MALRD1: variants seen among roughly 807,000 people sequenced by gnomAD.
MALRD1 encodes the protein MAM and LDL-receptor class A domain-containing protein 1.
In MALRD1, 247 loss-of-function variants were observed where a neutral mutation model predicts 242.1. The ratio of observed to expected loss-of-function variants is 1.02; its 90% confidence interval spans 0.92 to 1.13. MALRD1 has a LOEUF of 1.13. MALRD1 is among the 50% of genes most tolerant of loss of function. The probability of loss-of-function intolerance (pLI) is 0.00; values close to 1 mark genes in which losing one functional copy is unlikely to be tolerated. For missense variants in MALRD1, 2,989 were observed against 2,533.1 expected (o/e 1.18, Z -3.86); for synonymous variants, 995 against 866.6 (o/e 1.15, Z -2.60).
At chr10:19,414,771 C>T (rs1451331533) in intron 28 of MALRD1, among the ~76,000 whole-genome samples, 1 of 152,058 alleles carries the variant, frequency 6.6e-6, no homozygotes, top group Admixed American at 6.5e-5. Context: ...AAGAACTCTA[C>T]AGGCTAGAAA....
At chr10:19,642,345 T>C (rs1299282425) in intron 36 of MALRD1, among the ~76,000 whole-genome samples, 21 of 152,134 alleles carry the variant, frequency 1.4e-4, no homozygotes. Flanking sequence ...TACTCATGCT[T>C]TTGAAACCCA....
rs138400932 is a variant in MALRD1 at position 19,690,509 on chromosome 10, C to T, written c.6138-1773C>T. On this transcript the variant is annotated intron_variant, in intron 36 of 39. Transcript: ENST00000454679. Reference sequence around the variant, plus strand: ...ATATCCTGGGCCTCTAAATGGGTGACGAGGTTTATTTCTCACCAAATCTTT... The same window carrying T: ...ATATCCTGGGCCTCTAAATGGGTGATGAGGTTTATTTCTCACCAAATCTTT... 1.9e-4 allele frequency among the ~76,000 whole-genome samples: 29 copies of T among 152,038 alleles called. No individual in the cohort carries two copies. In the South Asian group the frequency reaches 2.9e-3, roughly 15 times the overall value.
At chr10:19,669,745 C>A in intron 36 of MALRD1, among the ~76,000 whole-genome samples, 1 of 151,974 alleles carries the variant, frequency 6.6e-6, no homozygotes, top group East Asian at 1.9e-4. Context: ...CAGAAGTAAA[C>A]CATACTATTT....
rs1305357622 is a variant in MALRD1 at position 19,450,678 on chromosome 10, T to G, written c.5029+188T>G. On this transcript the variant is annotated intron_variant, in intron 29 of 39. Coordinates refer to ENST00000454679, the MANE Select transcript of MALRD1 (RefSeq NM_001142308.3). ...GAGATAATACCTATCTTAGTCTGTTTGGGCTGCTGTTACAAAATGCCATAA... is the reference window on the plus strand; with the variant it reads ...GAGATAATACCTATCTTAGTCTGTTGGGGCTGCTGTTACAAAATGCCATAA... Among the ~76,000 whole-genome samples, 6 of 152,324 alleles carry G rather than the reference T, an allele frequency of 3.9e-5. 1 individual carries two copies. In the East Asian group the frequency reaches 9.7e-4, roughly 25 times the overall value.
chr10:19,286,181 C>A (rs1841102397), intron 21 of MALRD1, among the ~76,000 whole-genome samples: 3 of 146,380 alleles, frequency 2.0e-5, no homozygotes, highest in Admixed American at 7.0e-5. Context: ...TCTAGATAAA[C>A]AATCATGTCA....
chr10:19,621,632 A>C (rs990605317), intron 36 of MALRD1, among the ~76,000 whole-genome samples: 3 of 151,686 alleles, frequency 2.0e-5, no homozygotes, highest in African/African-American at 7.2e-5. Flanking sequence ...TAAAGAGGAA[A>C]ATGAAATAGT....
chr10:19,429,222 T>C (rs1326871940), intron 28 of MALRD1, among the ~76,000 whole-genome samples: 1 of 152,222 alleles, frequency 6.6e-6, no homozygotes, highest in Non-Finnish European at 1.5e-5. Flanking sequence ...GAGTGACTTG[T>C]CCAAAGTCAC....
chr10:19,514,768 A>G (rs1169382670), intron 31 of MALRD1, among the ~76,000 whole-genome samples: 1 of 152,140 alleles, frequency 6.6e-6, no homozygotes, highest in Non-Finnish European at 1.5e-5. Flanking sequence ...AAAACACAGA[A>G]TATTTGTTTC....
intron 31 of MALRD1, among the ~76,000 whole-genome samples, chr10:19,526,861 G>A (rs532007139): frequency 5.8e-4 from 89 of 152,156 alleles, no homozygotes; most frequent in Admixed American, 3.3e-3. Context: ...TTCTTTCTAC[G>A]AAGTCATATC....
intron 27 of MALRD1, 130 bp downstream of exon 27, chr10:19,387,903 A>G: frequency 8.4e-7 from 1 of 1,195,878 alleles, no homozygotes; most frequent in African/African-American, 1.5e-5. Context: ...TCAAACATTT[A>G]GTGAGTGTTT....
At chr10:19,229,772 G>C (rs1582059) in intron 18 of MALRD1, among the ~76,000 whole-genome samples, 64,875 of 151,868 alleles carry the variant, frequency 0.43, 14,410 homozygotes, top group Admixed American at 0.58. Flanking sequence ...ATCTCTAGAT[G>C]TAACCTCTAT....
chr10:19,675,771 T>C (rs924739816), intron 36 of MALRD1, among the ~76,000 whole-genome samples: 1 of 152,220 alleles, frequency 6.6e-6, no homozygotes, highest in Non-Finnish European at 1.5e-5. Context: ...CTTGTGCTAA[T>C]TGCAGTGTAC....
intron 29 of MALRD1, among the ~76,000 whole-genome samples, chr10:19,483,048 A>G (rs776601602): frequency 4.6e-5 from 7 of 152,136 alleles, no homozygotes; most frequent in Non-Finnish European, 1.0e-4. Flanking sequence ...AAACTGTATT[A>G]TAAGGCTACA....
chr10:19,048,203 A>G (rs187283164), upstream of MALRD1, among the ~76,000 whole-genome samples: 7 of 152,310 alleles, frequency 4.6e-5, no homozygotes, highest in East Asian at 1.4e-3. Flanking sequence ...CTAATTTCTT[A>G]TACCAACTTA....
At chr10:19,242,324 G>C (rs1838828058) in intron 18 of MALRD1, among the ~76,000 whole-genome samples, 1 of 152,092 alleles carries the variant, frequency 6.6e-6, no homozygotes. Context: ...ATCTCCCACT[G>C]GTTCCCTCCC....
chr10:19,725,838 A>G (rs550028829), intron 38 of MALRD1, among the ~76,000 whole-genome samples: 16 of 152,298 alleles, frequency 1.1e-4, no homozygotes, highest in South Asian at 1.0e-3. Context: ...AGTCCATCCA[A>G]TGGGGATCAA....
At position 19,373,203 on chromosome 10, in the gene MALRD1, C is replaced by CAAAAAAAAAAAAAA. The variant is rs374095193; in HGVS notation, c.4442-14321_4442-14308dup. 3.0e-3 allele frequency among the ~76,000 whole-genome samples: 339 copies of CAAAAAAAAAAAAAA among 114,696 alleles called. 2 individuals carry two copies. The highest frequency in any genetic ancestry group is 5.1e-3 in the East Asian group (20 of 3,914). The allele number at this position is 114,696 out of a possible 152,430, so 75.2% of individuals were successfully genotyped here. On this transcript the variant is annotated intron_variant, in intron 26 of 39. Coordinates refer to ENST00000454679, the MANE Select transcript of MALRD1 (RefSeq NM_001142308.3). The stretch of plus-strand genomic sequence containing the variant: ...CTTGCATTTCAGCAAACGCTAAATA[C>CAAAAAAAAAAAAAA]AAAAAAAAAAAAAAAAATAAGGGGC...
At chr10:19,719,189 T>TAC (rs1163960564) in intron 38 of MALRD1, among the ~76,000 whole-genome samples, 20 of 36,658 alleles carry the variant, frequency 5.5e-4, no homozygotes, top group African/African-American at 1.1e-3. Context: ...TATATATATA[T>TAC]ACATACATAT....
At chr10:19,429,361 G>A (rs1834029859) in intron 28 of MALRD1, among the ~76,000 whole-genome samples, 1 of 152,052 alleles carries the variant, frequency 6.6e-6, no homozygotes, top group Admixed American at 6.6e-5. Flanking sequence ...CCTGAGGTCA[G>A]GAGTTTAAGA....
Sources: allele counts gnomAD v4.1 joint callset (sites outside exome capture counted in the v4.1 genomes callset), GRCh38; gene constraint gnomAD v4.1.1; transcripts MANE v1.5; gene names NCBI Gene and HGNC (gene_info 2026-07-23, HGNC 2026-07-21).